Variants in GSE1 observed in about 807,000 individuals in gnomAD.
GSE1 encodes the protein Gse1 coiled-coil protein, also known as genetic suppressor element 1.
A neutral mutation model predicts 112.6 loss-of-function variants in GSE1; 32 were observed. That is an observed-to-expected ratio of 0.28 (90% CI 0.21 to 0.38). The LOEUF (loss-of-function observed/expected upper bound fraction) is 0.38. GSE1 is among the 10% of genes least tolerant of loss of function. The pLI is 1.00. For synonymous variants in GSE1, 1,115 were observed against 735.6 expected (o/e 1.52, Z -8.35); for missense variants, 2,348 against 1,699.2 (o/e 1.38, Z -6.71).
chr16:85,662,725 G>A, intron 9 of GSE1: 1 of 484,082 alleles, frequency 2.1e-6, no homozygotes, highest in Non-Finnish European at 3.7e-6. Context: ...GAGGAGGGAG[G>A]TCTTGTCAGC....
chr16:85,478,891 C>G (rs1274492025), intron 2 of GSE1, among the ~76,000 whole-genome samples: 1 of 72,552 alleles, frequency 1.4e-5, no homozygotes, highest in Non-Finnish European at 2.4e-5. Context: ...TTCTTTCTTT[C>G]TTTCTTTCTT....
chr16:85,246,988 C>CG (rs1478669658), intron 1 of GSE1, among the ~76,000 whole-genome samples: 1 of 151,984 alleles, frequency 6.6e-6, no homozygotes, highest in African/African-American at 2.4e-5. Context: ...TTAAGTGGCT[C>CG]GGGGGTGGGG....
intron 8 of GSE1, 127 bp downstream of exon 8, chr16:85,657,731 T>G: frequency 4.8e-6 from 3 of 627,080 alleles, no homozygotes; most frequent in Non-Finnish European, 7.8e-6. Context: ...TCATTTCTGT[T>G]CTTTCATCTT....
chr16:85,644,875 C>G (rs568627882), intron 2 of GSE1, among the ~76,000 whole-genome samples: 1 of 151,674 alleles, frequency 6.6e-6, no homozygotes, highest in African/African-American at 2.4e-5. Context: ...TTTTAAACAA[C>G]GATCCTTTCC....
Position 85,639,330 on chromosome 16 carries a change from C to T in GSE1, c.226+5198C>T, listed in dbSNP as rs76622723. 2.0e-3 allele frequency among the ~76,000 whole-genome samples: 306 copies of T among 152,332 alleles called. 2 individuals carry two copies. Among genetic ancestry groups the T allele is most frequent in the African/African-American group, 6.9e-3 (286 of 41,578 alleles). ...CGGAATGGCGGCCTGGCCACCGCCT[C>T]CCTCCCTGCCTCTCCTACCAGGACC... On this transcript the variant is annotated intron_variant, in intron 2 of 15. Coordinates refer to ENST00000253458, the MANE Select transcript of GSE1 (RefSeq NM_014615.5).
intron 2 of GSE1, among the ~76,000 whole-genome samples, chr16:85,529,454 C>T (rs1236271198): frequency 1.3e-5 from 2 of 152,164 alleles, no homozygotes; most frequent in African/African-American, 4.8e-5. Flanking sequence ...AATTTCTTCC[C>T]CACATTTAAA....
Position 85,665,047 on chromosome 16 carries a change from A to G in GSE1, c.2677A>G (p.Met893Val), listed in dbSNP as rs376706155. 6.8e-6 allele frequency: 11 copies of G among 1,611,706 alleles called. No homozygotes were observed. In the African/African-American group the frequency reaches 8.0e-5, roughly 12 times the overall value. ...KERLVEMLRAMKQKALSAAVA... is the reference protein window; with the variant it reads ...KERLVEMLRAVKQKALSAAVA... ...GAGACTTGTTGAAATGCTCCGTGCC[A>G]TGAAGCAGAAGGCACTGTCAGCAGC... The change falls in exon 12 of 16, where the codon ATG becomes GTG. Residue 893 changes from methionine (M) to valine (V), a missense_variant. Transcript: ENST00000253458.
intron 1 of GSE1, among the ~76,000 whole-genome samples, chr16:85,204,451 T>A (rs1457000144): frequency 2.0e-5 from 3 of 152,248 alleles, no homozygotes; most frequent in Non-Finnish European, 2.9e-5. Flanking sequence ...ATGTTTTCAA[T>A]TCTCTGAGGA....
At chr16:85,368,974 A>G (rs1200505690) in intron 2 of GSE1, among the ~76,000 whole-genome samples, 1 of 152,114 alleles carries the variant, frequency 6.6e-6, no homozygotes, top group African/African-American at 2.4e-5. Flanking sequence ...GTCTGGAAAC[A>G]GCACTCTTCC....
At chr16:85,428,189 G>A (rs2049035624) in intron 2 of GSE1, among the ~76,000 whole-genome samples, 1 of 152,242 alleles carries the variant, frequency 6.6e-6, no homozygotes, top group Non-Finnish European at 1.5e-5. Context: ...GAGAGCAGGG[G>A]CTGGCCCCTC....
At chr16:85,568,019 C>T (rs2045832608) in intron 1 of GSE1, among the ~76,000 whole-genome samples, 1 of 152,222 alleles carries the variant, frequency 6.6e-6, no homozygotes, top group Non-Finnish European at 1.5e-5. Flanking sequence ...GCCACTGTGC[C>T]TGGCCTGGGC....
At chr16:85,507,912 G>A (rs974337693) in intron 2 of GSE1, among the ~76,000 whole-genome samples, 6 of 152,212 alleles carry the variant, frequency 3.9e-5, no homozygotes, top group Non-Finnish European at 5.9e-5. Flanking sequence ...CGCCTCGTGT[G>A]TTTCTATGGG....
chr16:85,606,892 C>T (rs1487771961), upstream of GSE1, among the ~76,000 whole-genome samples: 1 of 152,236 alleles, frequency 6.6e-6, no homozygotes, highest in Non-Finnish European at 1.5e-5. Context: ...CCGAGCGCTG[C>T]TCCCCCAGCC....
intron 1 of GSE1, among the ~76,000 whole-genome samples, chr16:85,173,108 G>A (rs557018519): frequency 2.0e-5 from 3 of 152,352 alleles, no homozygotes; most frequent in Non-Finnish European, 4.4e-5. Flanking sequence ...GCCCCTGGGA[G>A]TCAGAAGAGC....
exon 1 of GSE1, chr16:85,171,428 C>G (rs2074357294): frequency 3.0e-6 from 3 of 985,352 alleles, no homozygotes; most frequent in Non-Finnish European, 3.6e-6. Flanking sequence ...GCCCCTCGTG[C>G]CAGGCCTGTG....
chr16:85,636,902 G>A (rs906778207), intron 2 of GSE1, among the ~76,000 whole-genome samples: 2 of 151,938 alleles, frequency 1.3e-5, no homozygotes, highest in African/African-American at 2.4e-5. Flanking sequence ...GGGACATGTG[G>A]ACCCCCCAGC....
intron 2 of GSE1, among the ~76,000 whole-genome samples, chr16:85,535,313 GCTCGTCTTTGC>G (rs532860680): frequency 1.3e-5 from 2 of 152,366 alleles, no homozygotes; most frequent in African/African-American, 4.8e-5. Context: ...GGAACGAGGT[GCTCGTCTTTGC>G]CTCCCCTTGT....
chr16:85,517,909 G>T (rs773017312), intron 2 of GSE1, among the ~76,000 whole-genome samples: 1 of 152,240 alleles, frequency 6.6e-6, no homozygotes, highest in African/African-American at 2.4e-5. Context: ...AGTGTGTGGC[G>T]CCTGGCAGGG....
intron 1 of GSE1, among the ~76,000 whole-genome samples, chr16:85,335,848 G>A (rs1237978312): frequency 1.3e-5 from 2 of 152,208 alleles, no homozygotes; most frequent in African/African-American, 4.8e-5. Flanking sequence ...GAGCAGGGCG[G>A]GACACCCTTC....
Sources: gnomAD v4.1 joint callset for allele counts (sites outside exome capture counted in the v4.1 genomes callset) on GRCh38, gnomAD v4.1.1 for gene constraint, MANE v1.5 for transcripts, NCBI Gene and HGNC (gene_info 2026-07-23, HGNC 2026-07-21) for gene names.